GCLC: variants seen among roughly 807,000 people sequenced by gnomAD.
GCLC encodes the protein glutamate-cysteine ligase catalytic subunit.
GCLC carries 30 observed loss-of-function variants against 81.5 expected under a neutral mutation model. That is an observed-to-expected ratio of 0.37 (90% CI 0.28 to 0.50). The LOEUF (loss-of-function observed/expected upper bound fraction) is 0.50, where lower values mean the gene tolerates loss of function less well. Among genes scored for constraint, GCLC ranks in the 20% least tolerant of loss-of-function variants. The pLI, the probability that GCLC is intolerant of heterozygous loss-of-function variation, is 0.96. For missense variants in GCLC, 556 were observed against 777.4 expected, an observed-to-expected ratio of 0.72 and a Z score of 3.39; for synonymous variants, 262 against 273.3, an observed-to-expected ratio of 0.96 and a Z score of 0.41.
In GCLC at chr6:53,544,649, C is replaced by A. The variant is rs1362164955; in HGVS notation, c.-4G>T. On this transcript the variant is annotated 5_prime_UTR_variant, in exon 1 of 16. Coordinates refer to ENST00000650454, the MANE Select transcript of GCLC (RefSeq NM_001498.4). The stretch of plus-strand genomic sequence containing the variant: ...AGCCCTGGGACAGCAGCCCCATGGC[C>A]GCCCCCTCCTCCTCCTCCTCCTCCT... 1 of 1,580,866 alleles carries A rather than the reference C, an allele frequency of 6.3e-7. No homozygotes were observed. The highest frequency in any genetic ancestry group is 1.1e-5 in the South Asian group (1 of 90,218).
Position 53,541,148 on chromosome 6 carries a change from C to T in GCLC, c.150+3348G>A, listed in dbSNP as rs537476239. Among the ~76,000 whole-genome samples, 12 of 152,102 alleles carry T rather than the reference C, an allele frequency of 7.9e-5. 1 individual carries two copies. The highest frequency in any genetic ancestry group is 7.7e-4 in the East Asian group (4 of 5,172). ...GGAGAATCACTTGAACTCTGGGAGG[C>T]GGAGGTTGCGGTGAGCCGAGATCAC... On this transcript the variant is annotated intron_variant, in intron 1 of 15. Coordinates refer to ENST00000650454, the MANE Select transcript of GCLC (RefSeq NM_001498.4).
intron 6 of GCLC, among the ~76,000 whole-genome samples, chr6:53,511,229 T>C (rs1057321803): frequency 6.8e-6 from 1 of 146,608 alleles, no homozygotes; most frequent in African/African-American, 2.5e-5. Context: ...GAGGATGACA[T>C]GCGGTCAAAG....
Position 53,506,048 on chromosome 6 carries a change from G to T in GCLC, c.1198-153C>A. ...AAAGGTACAATTGAAGATTTTCTTCGAGTGTGCTCTTTTAGGAAAACAAAA... is the reference window on the plus strand; with the variant it reads ...AAAGGTACAATTGAAGATTTTCTTCTAGTGTGCTCTTTTAGGAAAACAAAA... On this transcript the variant is annotated intron_variant, in intron 10 of 15. Coordinates refer to ENST00000650454, the MANE Select transcript of GCLC (RefSeq NM_001498.4). This position sits in a 1 kb window ranked among gnomAD's most constrained non-coding sequence, Gnocchi z 4.0. The T allele has an allele frequency of 3.0e-6, 2 of 665,198 alleles. No homozygotes were observed. Among genetic ancestry groups the T allele is most frequent in the Non-Finnish European group, 5.5e-6 (2 of 362,302 alleles). 41.2% of individuals were successfully genotyped at this position (665,198 alleles called of 1,614,324 possible). A position where few individuals can be genotyped will look rare whatever the true frequency, so the allele number is the denominator to read the frequency against.
chr6:53,514,359 A>G (rs2127622990), intron 5 of GCLC, 22 bp from the exon 6 acceptor site: 1 of 1,588,990 alleles, frequency 6.3e-7, no homozygotes. Context: ...AAATACAAAA[A>G]TAAAAATGGT....
chr6:53,498,800 T>G lies in GCLC; in HGVS notation c.1870A>C (p.Arg624=). ...ECPELLGSAF[R]KVKYSGSKTD... ...TTACTTCCACTATATTTTACTTTCC[T>G]AAATGCTGATCCAAGTAACTCTGGG... Residue 624 remains arginine, a synonymous_variant, in exon 16 of 16, where the codon AGG becomes CGG. Transcript: ENST00000650454. 6.2e-7 allele frequency: 1 copy of G among 1,613,564 alleles called. No homozygotes were observed. The highest frequency in any genetic ancestry group is 8.5e-7 in the Non-Finnish European group (1 of 1,179,500).
chr6:53,533,754 G>A (rs528702775), intron 1 of GCLC, among the ~76,000 whole-genome samples: 2 of 150,262 alleles, frequency 1.3e-5, no homozygotes, highest in African/African-American at 2.4e-5. Context: ...CTTACCAAAT[G>A]AGGAAACTGT....
At position 53,506,769 on chromosome 6, in the gene GCLC, T is replaced by C; in HGVS notation, c.1197+144A>G. 1 of 659,544 alleles carries C rather than the reference T, an allele frequency of 1.5e-6. No individual in the cohort carries two copies. Among genetic ancestry groups the C allele is most frequent in the Admixed American group, 2.5e-5 (1 of 39,716 alleles). The allele number at this position is 659,544 out of a possible 1,614,324, so 40.9% of individuals were successfully genotyped here. On this transcript the variant is annotated intron_variant, in intron 10 of 15. Transcript: ENST00000650454. This position sits in a 1 kb window ranked among gnomAD's most constrained non-coding sequence, Gnocchi z 4.0. ...TTACTGCACTGGGTAAATGAAAGTCTTATGAAATTTCTTTTGTGTTCTCCA... is the reference window on the plus strand; with the variant it reads ...TTACTGCACTGGGTAAATGAAAGTCCTATGAAATTTCTTTTGTGTTCTCCA...
rs569852891 is a variant in GCLC, at chr6:53,526,642, C to CA, written c.151-4116dup. ...TGAAGCCCCATCTCTACTAAAAATACAAAAAATTAGCTAGGCATGCTGGCG... is the reference window on the plus strand; with the variant it reads ...TGAAGCCCCATCTCTACTAAAAATACAAAAAAATTAGCTAGGCATGCTGGCG... On this transcript the variant is annotated intron_variant, in intron 1 of 15. Coordinates refer to ENST00000650454, the MANE Select transcript of GCLC (RefSeq NM_001498.4). 9.0e-3 allele frequency among the ~76,000 whole-genome samples: 1,368 copies of CA among 151,846 alleles called. 14 individuals are homozygous for CA. The highest frequency in any genetic ancestry group is 0.017 in the South Asian group (82 of 4,816).
chr6:53,517,044 G>C (rs896093456), intron 3 of GCLC, among the ~76,000 whole-genome samples: 7 of 149,926 alleles, frequency 4.7e-5, no homozygotes, highest in Non-Finnish European at 1.0e-4. Context: ...CTTTTGGCTT[G>C]AGGATCAAGA....
In GCLC at chr6:53,523,982, A is replaced by G. The variant is rs1057341840; in HGVS notation, c.151-1455T>C. 5 of 152,226 alleles carry G rather than the reference A, an allele frequency of 3.3e-5. No homozygotes were observed. The East Asian group carries it at 7.7e-4, about 23-fold the overall frequency. The allele number at this position is 152,226 out of a possible 1,614,324, so 9.4% of individuals were successfully genotyped here. A position where few individuals can be genotyped will look rare whatever the true frequency, so the allele number is the denominator to read the frequency against. ...AGCTGACTAAAAACTAGGCTGCAGA[A>G]TCTGGAACTGTTCGCAACAACAATT... On this transcript the variant is annotated intron_variant, in intron 1 of 15. Coordinates refer to ENST00000650454, the MANE Select transcript of GCLC (RefSeq NM_001498.4).
intron 9 of GCLC, 61 bp downstream of exon 9, chr6:53,507,419 A>C (rs769991977): frequency 5.7e-6 from 9 of 1,587,032 alleles, no homozygotes; most frequent in Admixed American, 5.0e-5. Context: ...AAAAAGTGTA[A>C]AAGAGCTTTG....
intron 12 of GCLC, chr6:53,500,860 A>C (rs752389434): frequency 4.0e-5 from 15 of 372,678 alleles, no homozygotes; most frequent in African/African-American, 8.4e-5. Flanking sequence ...TTTATATAGC[A>C]GTGTCTCACC....
intron 12 of GCLC, among the ~76,000 whole-genome samples, chr6:53,503,011 C>T (rs879894290): frequency 6.6e-5 from 10 of 152,204 alleles, no homozygotes; most frequent in Non-Finnish European, 1.0e-4. Context: ...CATTCATCTC[C>T]TTCCATATCC....
chr6:53,500,359 G>GT lies in GCLC; in HGVS notation c.1478-10_1478-9insA. The GT allele has an allele frequency of 6.2e-7, 1 of 1,613,628 alleles. No individual in the cohort carries two copies. Among genetic ancestry groups the GT allele is most frequent in the Non-Finnish European group, 8.5e-7 (1 of 1,179,520 alleles). On this transcript the variant is annotated splice_polypyrimidine_tract_variant and intron_variant, in intron 13 of 15. Transcript: ENST00000650454. The stretch of plus-strand genomic sequence containing the variant: ...CACCACTGCATTGCCACCTGCCGGA[G>GT]AAGAGGGTCAGGGGAGCTTTAGCAG...
At chr6:53,538,686 A>G (rs1439154615) in intron 1 of GCLC, among the ~76,000 whole-genome samples, 1 of 152,150 alleles carries the variant, frequency 6.6e-6, no homozygotes, top group Non-Finnish European at 1.5e-5. Context: ...AGCCCTTAAT[A>G]AATCTCATCT....
chr6:53,513,067 A>G (rs1467467984), intron 6 of GCLC: 1 of 152,258 alleles, frequency 6.6e-6, no homozygotes, highest in African/African-American at 2.4e-5. Flanking sequence ...AAGAAAACAG[A>G]AAGAAATTAT....
At position 53,499,284 on chromosome 6, in the gene GCLC, C is replaced by T. The variant is rs547036508; in HGVS notation, c.1703-317G>A. ...GCACATGTGTACAAGAACATGTGCC[C>T]TCCCATTTGGCCAGAGGGCTAGGAC... On this transcript the variant is annotated intron_variant, in intron 15 of 15. Coordinates refer to ENST00000650454, the MANE Select transcript of GCLC (RefSeq NM_001498.4). Among the ~76,000 whole-genome samples, 5 of 152,232 alleles carry T rather than the reference C, an allele frequency of 3.3e-5. No individual in the cohort carries two copies. In the East Asian group the frequency reaches 7.7e-4, roughly 24 times the overall value.
Position 53,505,441 on chromosome 6 carries a change from G to A in GCLC, c.1346C>T (p.Thr449Ile). 1.9e-6 allele frequency: 3 copies of A among 1,607,494 alleles called. No homozygotes were observed. In the South Asian group the frequency reaches 3.3e-5, roughly 18 times the overall value. ...SAYVVFVVLL[T>I]RVILSYKLDF... is the part of the protein sequence containing the mutation. ...CAATTTGTAGGAAAGGATCACTCTG[G>A]TGAGCAGTACCACAAACACCACATA... Residue 449 changes from threonine to isoleucine, a missense_variant, in exon 12 of 16, where the codon ACC becomes ATC. Coordinates refer to ENST00000650454, the MANE Select transcript of GCLC (RefSeq NM_001498.4).
chr6:53,524,855 G>C (rs1763054695), intron 1 of GCLC, among the ~76,000 whole-genome samples: 1 of 152,130 alleles, frequency 6.6e-6, no homozygotes, highest in African/African-American at 2.4e-5. Flanking sequence ...GAAATCCTTA[G>C]TTTTCAAATT....
Sources: allele counts gnomAD v4.1 joint callset (sites outside exome capture counted in the v4.1 genomes callset), GRCh38; gene constraint gnomAD v4.1.1; non-coding constraint Gnocchi (gnomAD v3.1); transcripts MANE v1.5; gene names NCBI Gene and HGNC (gene_info 2026-07-23, HGNC 2026-07-21).